The following ACCSL variants were observed in gnomAD, a reference collection of about 807,000 sequenced individuals.
ACCSL encodes the protein probable inactive 1-aminocyclopropane-1-carboxylate synthase-like protein 2.
ACCSL carries 55 observed loss-of-function variants against 61.7 expected under a neutral mutation model. That is an observed-to-expected ratio of 0.89 (90% CI 0.72 to 1.12). The LOEUF (loss-of-function observed/expected upper bound fraction) is 1.12, where lower values mean the gene tolerates loss of function less well. Among genes scored for constraint, ACCSL ranks in the 50% most tolerant of loss-of-function variants. The pLI is 0.00. For synonymous variants in ACCSL, 258 were observed against 264.3 expected (o/e 0.98, Z 0.23); for missense variants, 632 against 698.0 (o/e 0.91, Z 1.07).
chr11:44,028,730 T>A, the ACCSL span, among the ~76,000 whole-genome samples: 1 of 152,198 alleles, frequency 6.6e-6, no homozygotes, highest in East Asian at 1.9e-4. Flanking sequence ...TTCATCAGTC[T>A]TGTCTGTGCC....
At chr11:43,956,712 C>T in the ACCSL span, among the ~76,000 whole-genome samples, 1 of 152,182 alleles carries the variant, frequency 6.6e-6, no homozygotes. Flanking sequence ...AGCCACTGCA[C>T]CCAGCCTACA....
chr11:44,046,763 G>T (rs1016682114), upstream of ACCSL, among the ~76,000 whole-genome samples: 1 of 152,172 alleles, frequency 6.6e-6, no homozygotes, highest in African/African-American at 2.4e-5. Flanking sequence ...AGAAAAAAGG[G>T]TCTTGATATC....
chr11:43,943,058 C>G, the ACCSL span: 3 of 1,498,938 alleles, frequency 2.0e-6, no homozygotes, highest in Non-Finnish European at 2.7e-6. The surrounding 1 kb of genome is among the most constrained non-coding windows in gnomAD (Gnocchi z 4.8). Flanking sequence ...GCGCCAGTCT[C>G]GCTTCAAGAC....
upstream of ACCSL, among the ~76,000 whole-genome samples, chr11:44,043,414 C>T (rs1952584861): frequency 6.6e-6 from 1 of 152,188 alleles, no homozygotes; most frequent in Admixed American, 6.5e-5. Context: ...AAATGACATC[C>T]CACTGTCTTC....
chr11:43,921,958 C>G, the ACCSL span, among the ~76,000 whole-genome samples: 1 of 152,130 alleles, frequency 6.6e-6, no homozygotes, highest in South Asian at 2.1e-4. Context: ...GACAGGAATT[C>G]CAGACCATGG....
Position 44,058,456 on chromosome 11 carries a change from A to C in ACCSL, c.1467A>C (p.Lys489Asn), listed in dbSNP as rs1294064016. The C allele has an allele frequency of 6.2e-7, 1 of 1,614,048 alleles. No individual in the cohort carries two copies. The highest frequency in any genetic ancestry group is 8.5e-7 in the Non-Finnish European group (1 of 1,180,030). Residue 489 changes from lysine (K) to asparagine (N), a missense_variant, in exon 12 of 14, where the codon AAA becomes AAC. Coordinates refer to ENST00000378832, the MANE Select transcript of ACCSL (RefSeq NM_001031854.2). ...GCCTCTATGTCTGGATCAACTTGAA[A>C]AAGGTGTGTTCTGGGAATGAGGACA... ...SSGLYVWINLKKYLDPCTFEE... is the reference protein window; with the variant it reads ...SSGLYVWINLNKYLDPCTFEE...
At chr11:43,939,185 G>T in the ACCSL span, among the ~76,000 whole-genome samples, 1 of 152,150 alleles carries the variant, frequency 6.6e-6, no homozygotes. Flanking sequence ...GGCTCAATAG[G>T]CATGTGGGCT....
At chr11:43,926,606 T>A in the ACCSL span, 1 of 329,526 alleles carries the variant, frequency 3.0e-6, no homozygotes, top group Non-Finnish European at 6.1e-6. Context: ...AGTAAACCCA[T>A]GTGGCTTCTA....
chr11:44,012,327 C>T, the ACCSL span, among the ~76,000 whole-genome samples: 2 of 151,382 alleles, frequency 1.3e-5, no homozygotes, highest in African/African-American at 2.4e-5. Context: ...GCTCTTTTTG[C>T]CCAGGCGGGA....
chr11:44,045,656 G>A (rs1406816171), upstream of ACCSL, among the ~76,000 whole-genome samples: 1 of 152,104 alleles, frequency 6.6e-6, no homozygotes, highest in African/African-American at 2.4e-5. Flanking sequence ...TTTCCTATGT[G>A]CCTGGAGTCC....
chr11:43,936,530 CA>C, the ACCSL span, among the ~76,000 whole-genome samples: 2 of 150,252 alleles, frequency 1.3e-5, no homozygotes, highest in Non-Finnish European at 3.0e-5. Flanking sequence ...CACCCAGGGG[CA>C]TTGCTTCTAC....
the ACCSL span, among the ~76,000 whole-genome samples, chr11:44,007,971 G>T: frequency 6.6e-6 from 1 of 152,122 alleles, no homozygotes; most frequent in African/African-American, 2.4e-5. Flanking sequence ...GCACTGGAGT[G>T]CAGGAAGAGG....
At chr11:44,053,365 A>G (rs774398564) in intron 7 of ACCSL, 41 bp from the exon 8 acceptor site, 1 of 1,586,466 alleles carries the variant, frequency 6.3e-7, no homozygotes, top group Admixed American at 1.7e-5. Context: ...GGTAGATGCT[A>G]AGGACTTGTA....
At chr11:44,059,810 T>G in intron 13 of ACCSL, 28 bp from the exon 14 acceptor site, 2 of 1,605,006 alleles carry the variant, frequency 1.2e-6, no homozygotes, top group Non-Finnish European at 1.7e-6. Flanking sequence ...AATCACTATT[T>G]CTCTCTGTCC....
the ACCSL span, among the ~76,000 whole-genome samples, chr11:44,003,608 A>G: frequency 1.3e-5 from 2 of 149,632 alleles, no homozygotes; most frequent in Non-Finnish European, 3.0e-5. Flanking sequence ...GCGCCACTAC[A>G]CTCCAGTCTG....
the ACCSL span, among the ~76,000 whole-genome samples, chr11:43,974,976 G>C: frequency 6.6e-6 from 1 of 152,180 alleles, no homozygotes; most frequent in Admixed American, 6.5e-5. Context: ...GGTGTAATTT[G>C]CTATGCAGCA....
chr11:43,962,846 C>T, the ACCSL span, among the ~76,000 whole-genome samples: 5 of 152,174 alleles, frequency 3.3e-5, no homozygotes, highest in Non-Finnish European at 5.9e-5. Context: ...AACTGCTTAG[C>T]GTCACCAGAT....
Position 44,056,086 on chromosome 11 carries a change from G to A in ACCSL, c.1185+1G>A, listed in dbSNP as rs1434592611. 5 of 1,614,210 alleles carry A rather than the reference G, an allele frequency of 3.1e-6. No homozygotes were observed. The highest frequency in any genetic ancestry group is 2.2e-5 in the South Asian group (2 of 91,092). On this transcript the variant is annotated splice_donor_variant, in intron 10 of 13. Transcript: ENST00000378832. LOFTEE classifies it high-confidence loss of function. ...CCATGTGATCTGGGGTACCAGTAAG[G>A]TGAGCCATTGCTTTCTCTCCTTGGC...
chr11:43,948,727 G>A, the ACCSL span, among the ~76,000 whole-genome samples: 3 of 152,138 alleles, frequency 2.0e-5, no homozygotes, highest in Admixed American at 6.5e-5. Flanking sequence ...TCCCACCTCA[G>A]CCTCCCAAAG....
Sources: allele counts gnomAD v4.1 joint callset (sites outside exome capture counted in the v4.1 genomes callset), GRCh38; gene constraint gnomAD v4.1.1; non-coding constraint Gnocchi (gnomAD v3.1); transcripts MANE v1.5; gene names NCBI Gene and HGNC (gene_info 2026-07-23, HGNC 2026-07-21).